Variants in CATSPERB observed in about 807,000 individuals in gnomAD.
The protein encoded by CATSPERB is catsper channel auxiliary subunit beta, also known as cation channel sperm-associated auxiliary subunit beta.
CATSPERB carries 93 observed loss-of-function variants against 128.3 expected under a neutral mutation model. The ratio of observed to expected loss-of-function variants is 0.72; its 90% CI spans 0.61 to 0.86. The LOEUF (loss-of-function observed/expected upper bound fraction) is 0.86, where lower values mean the gene tolerates loss of function less well. Among genes scored for constraint, CATSPERB ranks in the 40% least tolerant of loss-of-function variants. CATSPERB has a pLI of 0.00. For missense variants in CATSPERB, 1,153 were observed against 1,329.5 expected, an observed-to-expected ratio of 0.87 and a Z score of 2.06; for synonymous variants, 381 against 448.8, an observed-to-expected ratio of 0.85 and a Z score of 1.91.
At chr14:91,678,706 G>GT (rs140776619) in intron 11 of CATSPERB, among the ~76,000 whole-genome samples, 4,568 of 152,230 alleles carry the variant, frequency 0.03, 89 homozygotes, top group Non-Finnish European at 0.049. Flanking sequence ...GATTAGATAT[G>GT]TTTTGTATTT....
chr14:91,610,837 G>C (rs2139777180), intron 20 of CATSPERB, among the ~76,000 whole-genome samples, 160 bp from the exon 21 acceptor site: 1 of 152,282 alleles, frequency 6.6e-6, no homozygotes, highest in Admixed American at 6.5e-5. Flanking sequence ...GTAAAATGAG[G>C]TCATTTGGGT....
chr14:91,707,858 C>G (rs1439347073), intron 6 of CATSPERB, among the ~76,000 whole-genome samples: 1 of 151,310 alleles, frequency 6.6e-6, no homozygotes, highest in Non-Finnish European at 1.5e-5. Flanking sequence ...CTGCCCACCT[C>G]GGCCTCCCAA....
chr14:91,592,343 G>A (rs1893423841), intron 22 of CATSPERB: 4 of 306,714 alleles, frequency 1.3e-5, no homozygotes, highest in African/African-American at 2.2e-5. Context: ...GGATCCAGAC[G>A]GAAACATAAA....
intron 12 of CATSPERB, among the ~76,000 whole-genome samples, 154 bp from the exon 13 acceptor site, chr14:91,673,170 T>G (rs904665365): frequency 6.6e-6 from 1 of 152,196 alleles, no homozygotes; most frequent in African/African-American, 2.4e-5. Context: ...TAAAACCCAC[T>G]GGTCTTTAAA....
chr14:91,592,085 A>C (rs995760525), intron 22 of CATSPERB, 83 bp from the exon 23 acceptor site: 2 of 869,318 alleles, frequency 2.3e-6, no homozygotes, highest in African/African-American at 3.4e-5. Context: ...ATAAATATTT[A>C]TTCCCTGAAG....
At chr14:91,636,310 CT>C (rs1335678673) in intron 17 of CATSPERB, 114 bp downstream of exon 17, 5 of 872,250 alleles carry the variant, frequency 5.7e-6, no homozygotes, top group Admixed American at 4.3e-5. Context: ...CTGCAGTGAG[CT>C]GTCATCGCAC....
At chr14:91,650,630 TA>T (rs933877986) in intron 15 of CATSPERB, among the ~76,000 whole-genome samples, 2 of 152,162 alleles carry the variant, frequency 1.3e-5, no homozygotes, top group Non-Finnish European at 2.9e-5. Context: ...TGCTTTTAGT[TA>T]AAAAAATTAA....
At chr14:91,679,276 T>C (rs1211011941) in intron 11 of CATSPERB, among the ~76,000 whole-genome samples, 1 of 152,152 alleles carries the variant, frequency 6.6e-6, no homozygotes, top group Non-Finnish European at 1.5e-5. Flanking sequence ...AAGTTTAAAG[T>C]TATTAAAAAT....
chr14:91,641,354 G>A (rs1257834085), intron 15 of CATSPERB, among the ~76,000 whole-genome samples: 2 of 146,596 alleles, frequency 1.4e-5, no homozygotes, highest in African/African-American at 2.5e-5. Flanking sequence ...TTCTTCTAGG[G>A]TTTTTATGGT....
chr14:91,699,985 C>T (rs1228911175), intron 7 of CATSPERB, among the ~76,000 whole-genome samples: 2 of 151,686 alleles, frequency 1.3e-5, no homozygotes, highest in Admixed American at 1.3e-4. Flanking sequence ...GCAGAACATG[C>T]AGGTTTTTTG....
At chr14:91,691,036 C>A (rs1312122724) in intron 10 of CATSPERB, among the ~76,000 whole-genome samples, 1 of 152,170 alleles carries the variant, frequency 6.6e-6, no homozygotes, top group Non-Finnish European at 1.5e-5. Flanking sequence ...ACAAAATCCC[C>A]CAAAAGGCCA....
At chr14:91,603,119 C>T in intron 22 of CATSPERB, 2 of 787,620 alleles carry the variant, frequency 2.5e-6, no homozygotes, top group South Asian at 1.3e-5. Flanking sequence ...TGGAAGTCTT[C>T]TCCAATCTGG....
chr14:91,591,121 G>A (rs1893392588), intron 23 of CATSPERB, among the ~76,000 whole-genome samples: 2 of 151,746 alleles, frequency 1.3e-5, no homozygotes, highest in African/African-American at 2.4e-5. Context: ...GCAGTGGTGC[G>A]ATCTCTGCTT....
chr14:91,672,384 C>A (rs2139831387), intron 13 of CATSPERB, among the ~76,000 whole-genome samples: 1 of 152,278 alleles, frequency 6.6e-6, no homozygotes, highest in Non-Finnish European at 1.5e-5. Context: ...ATCCTGGCCT[C>A]AAGCCTCCTG....
intron 17 of CATSPERB, among the ~76,000 whole-genome samples, 198 bp from the exon 18 acceptor site, chr14:91,625,205 G>A (rs1465541042): frequency 6.6e-6 from 1 of 152,150 alleles, no homozygotes; most frequent in African/African-American, 2.4e-5. Context: ...TAAAATTAGC[G>A]AAGATCTTTA....
Position 91,704,579 on chromosome 14 carries a change from C to T in CATSPERB, c.589G>A (p.Gly197Ser). ...CPCANDVALL[G>S]FIVDTIVDGV... ...TCAACTATTGTATCCACAATGAAGC[C>T]TAGTAATGCCACATCATTGGCACAG... The change falls in exon 7 of 27, where the codon GGC becomes AGC. Residue 197 changes from glycine (G) to serine (S), a missense_variant. Coordinates refer to ENST00000256343, the MANE Select transcript of CATSPERB (RefSeq NM_024764.4). 6.2e-7 allele frequency: 1 copy of T among 1,613,610 alleles called. No homozygotes were observed. Among genetic ancestry groups the T allele is most frequent in the Non-Finnish European group, 8.5e-7 (1 of 1,179,742 alleles).
chr14:91,728,971 C>T (rs1211006597), intron 2 of CATSPERB, among the ~76,000 whole-genome samples: 1 of 152,196 alleles, frequency 6.6e-6, no homozygotes, highest in African/African-American at 2.4e-5. Flanking sequence ...AGTCTAAAAA[C>T]ATAAAGTGGA....
At chr14:91,724,165 A>G (rs1267463337) in intron 3 of CATSPERB, among the ~76,000 whole-genome samples, 1 of 152,202 alleles carries the variant, frequency 6.6e-6, no homozygotes, top group Non-Finnish European at 1.5e-5. Context: ...TGCTAGAACT[A>G]CTATACTACA....
intron 19 of CATSPERB, among the ~76,000 whole-genome samples, chr14:91,618,546 A>G (rs1210063250): frequency 1.3e-5 from 2 of 152,232 alleles, no homozygotes; most frequent in Admixed American, 1.3e-4. Context: ...AATACTGGCT[A>G]CACTGAGTTG....
Sources: gnomAD v4.1 joint callset for allele counts (sites outside exome capture counted in the v4.1 genomes callset) on GRCh38, gnomAD v4.1.1 for gene constraint, MANE v1.5 for transcripts, NCBI Gene and HGNC (gene_info 2026-07-23, HGNC 2026-07-21) for gene names.